Variants in KCNIP4 observed in about 807,000 individuals in gnomAD.
KCNIP4 encodes potassium voltage-gated channel interacting protein 4.
In KCNIP4, 12 loss-of-function variants were observed where a neutral mutation model predicts 34.0. That is an observed-to-expected ratio of 0.35 (90% CI 0.23 to 0.57). KCNIP4 has a LOEUF of 0.57. Ranked by LOEUF, KCNIP4 falls within the 20% of genes least tolerant of loss-of-function variation. The pLI is 0.83. For synonymous variants in KCNIP4, 124 were observed against 102.2 expected, an observed-to-expected ratio of 1.21 and a Z score of -1.29; for missense variants, 238 against 311.7, an observed-to-expected ratio of 0.76 and a Z score of 1.78.
intron 1 of KCNIP4, among the ~76,000 whole-genome samples, chr4:21,292,368 A>T (rs996414938): frequency 1.3e-5 from 2 of 152,110 alleles, no homozygotes; most frequent in African/African-American, 2.4e-5. Flanking sequence ...GCAAATTTGG[A>T]GGGTTGTACT....
At chr4:21,281,111 G>A (rs1194683333) in intron 1 of KCNIP4, among the ~76,000 whole-genome samples, 1 of 144,576 alleles carries the variant, frequency 6.9e-6, no homozygotes, top group Non-Finnish European at 1.5e-5. Flanking sequence ...TTTTGAGATG[G>A]AGTCTTGTTC....
chr4:21,304,087 CAGAGAGAGAGAGAGAGAGAG>C, intron 1 of KCNIP4: 1 of 119,552 alleles, frequency 8.4e-6, no homozygotes. Context: ...GAGAGAGAGA[CAGAGAGAGAGAGAGAGAGAG>C]ACAGAGGAGA....
At chr4:21,810,937 CA>C (rs1721613173) in intron 1 of KCNIP4, among the ~76,000 whole-genome samples, 1 of 152,122 alleles carries the variant, frequency 6.6e-6, no homozygotes, top group African/African-American at 2.4e-5. Context: ...AAGGGAAATA[CA>C]GGTTTTGTTA....
intron 1 of KCNIP4, among the ~76,000 whole-genome samples, chr4:20,901,117 G>A (rs1727110170): frequency 6.6e-6 from 1 of 152,140 alleles, no homozygotes; most frequent in Admixed American, 6.5e-5. Flanking sequence ...AACAATGATA[G>A]CAACACAAGC....
intron 1 of KCNIP4, among the ~76,000 whole-genome samples, chr4:21,006,524 G>A (rs1738568765): frequency 6.6e-6 from 1 of 152,180 alleles, no homozygotes; most frequent in African/African-American, 2.4e-5. Context: ...TCTTTTTAAG[G>A]GACCATAATC....
chr4:21,536,582 C>G (rs915249958), intron 1 of KCNIP4, among the ~76,000 whole-genome samples: 1 of 152,044 alleles, frequency 6.6e-6, no homozygotes, highest in African/African-American at 2.4e-5. Flanking sequence ...ACTTCGAGAA[C>G]AGTCTGGCCA....
At chr4:20,743,187 A>G (rs918014724) in intron 5 of KCNIP4, among the ~76,000 whole-genome samples, 7 of 152,192 alleles carry the variant, frequency 4.6e-5, no homozygotes, top group African/African-American at 1.7e-4. Context: ...ACATGGCCAT[A>G]CTGCCCAAGG....
Position 20,859,345 on chromosome 4 carries a change from A to G in KCNIP4, c.164-8678T>C, listed in dbSNP as rs528660607. Among the ~76,000 whole-genome samples, 13 of 152,342 alleles carry G rather than the reference A, an allele frequency of 8.5e-5. No homozygotes were observed. In the South Asian group the frequency reaches 2.5e-3, roughly 29 times the overall value. On this transcript the variant is annotated intron_variant, in intron 2 of 8. Coordinates refer to ENST00000382152, the MANE Select transcript of KCNIP4 (RefSeq NM_025221.6). ...GGAGTTATCTCCAGGCCATGCAGAC[A>G]TATCATCACTCAGGTATCTTGCAGA...
At chr4:20,791,830 G>A (rs1712790762) in intron 3 of KCNIP4, among the ~76,000 whole-genome samples, 3 of 152,114 alleles carry the variant, frequency 2.0e-5, no homozygotes, top group African/African-American at 7.2e-5. Flanking sequence ...TCCATAATAT[G>A]AGAGTTCATC....
chr4:21,039,119 G>T (rs28391864), intron 1 of KCNIP4, among the ~76,000 whole-genome samples: 3,765 of 152,264 alleles, frequency 0.025, 145 homozygotes, highest in African/African-American at 0.085. Flanking sequence ...CAGCACTTTG[G>T]GAGGCTGAGG....
At chr4:20,911,373 A>G (rs891199388) in intron 1 of KCNIP4, among the ~76,000 whole-genome samples, 2 of 152,292 alleles carry the variant, frequency 1.3e-5, no homozygotes, top group Non-Finnish European at 2.9e-5. Flanking sequence ...TTATTTAAGA[A>G]CCATGCTTAC....
At chr4:21,661,880 G>A (rs1418916908) in intron 1 of KCNIP4, among the ~76,000 whole-genome samples, 1 of 152,180 alleles carries the variant, frequency 6.6e-6, no homozygotes, top group Non-Finnish European at 1.5e-5. Context: ...TAGTGTAAAA[G>A]TAACTAAACG....
intron 1 of KCNIP4, among the ~76,000 whole-genome samples, chr4:21,104,160 A>T (rs536769183): frequency 2.1e-5 from 3 of 142,324 alleles, no homozygotes; most frequent in Non-Finnish European, 4.5e-5. Context: ...GAATCGCCAC[A>T]CTGTCTTCCA....
intron 1 of KCNIP4, among the ~76,000 whole-genome samples, chr4:21,413,338 C>G (rs939459034): frequency 6.6e-6 from 1 of 152,092 alleles, no homozygotes; most frequent in Non-Finnish European, 1.5e-5. Flanking sequence ...TGATCCCTAG[C>G]CCTGAAGTCT....
At chr4:21,001,630 A>G (rs1032937789) in intron 1 of KCNIP4, among the ~76,000 whole-genome samples, 1 of 152,206 alleles carries the variant, frequency 6.6e-6, no homozygotes, top group Non-Finnish European at 1.5e-5. Flanking sequence ...TTAAGCAATG[A>G]CAACAGTAAT....
At chr4:21,924,363 C>T (rs976028324) in intron 1 of KCNIP4, among the ~76,000 whole-genome samples, 7 of 151,694 alleles carry the variant, frequency 4.6e-5, no homozygotes, top group Admixed American at 4.6e-4. Context: ...TCTGCCTCAG[C>T]CTCCCAAGTA....
chr4:21,184,075 A>C (rs2109330658), intron 1 of KCNIP4, among the ~76,000 whole-genome samples: 1 of 152,264 alleles, frequency 6.6e-6, no homozygotes, highest in African/African-American at 2.4e-5. Context: ...GTTAAGGATA[A>C]GAATAAACTC....
Position 21,283,588 on chromosome 4 carries a change from A to G in KCNIP4, c.62-400879T>C, listed in dbSNP as rs183209816. On this transcript the variant is annotated intron_variant, in intron 1 of 8. Transcript: ENST00000382152. Reference sequence around the variant, plus strand: ...TTTTACAGACAAACTACTCTGAACTAGTCCATGTGAAAATAAATACTTATT... The same window carrying G: ...TTTTACAGACAAACTACTCTGAACTGGTCCATGTGAAAATAAATACTTATT... Among the ~76,000 whole-genome samples, 391 of 146,138 alleles carry G rather than the reference A, an allele frequency of 2.7e-3. 4 individuals carry two copies. Among genetic ancestry groups the G allele is most frequent in the African/African-American group, 9.4e-3 (371 of 39,350 alleles).
At chr4:21,737,944 A>T (rs1716108233) in intron 1 of KCNIP4, among the ~76,000 whole-genome samples, 1 of 151,578 alleles carries the variant, frequency 6.6e-6, no homozygotes, top group African/African-American at 2.4e-5. Flanking sequence ...CACAAAAAAA[A>T]TTAGTGGGGC....
Sources: gnomAD v4.1 joint callset for allele counts (sites outside exome capture counted in the v4.1 genomes callset) on GRCh38, gnomAD v4.1.1 for gene constraint, MANE v1.5 for transcripts, NCBI Gene and HGNC (gene_info 2026-07-23, HGNC 2026-07-21) for gene names.